ADAMTS9: variants seen among roughly 807,000 people sequenced by gnomAD.
ADAMTS9 encodes the protein A disintegrin and metalloproteinase with thrombospondin motifs 9.
ADAMTS9 carries 107 observed loss-of-function variants against 257.1 expected under a neutral mutation model. That is an observed-to-expected ratio of 0.42 (90% CI 0.36 to 0.49). The LOEUF (loss-of-function observed/expected upper bound fraction) is 0.49, where lower values mean the gene tolerates loss of function less well. ADAMTS9 is among the 20% of genes least tolerant of loss of function. The pLI is 0.03. For synonymous variants in ADAMTS9, 982 were observed against 880.9 expected, an observed-to-expected ratio of 1.11 and a Z score of -2.03; for missense variants, 2,353 against 2,469.1, an observed-to-expected ratio of 0.95 and a Z score of 1.00.
intron 37 of ADAMTS9, 55 bp from the exon 38 acceptor site, chr3:64,533,325 A>C: frequency 1.4e-6 from 2 of 1,404,756 alleles, no homozygotes; most frequent in Non-Finnish European, 2.0e-6. Flanking sequence ...TCCTCAAAAA[A>C]GCAAAGGCAA....
At chr3:64,520,116 G>T (rs2082830754) in intron 39 of ADAMTS9, among the ~76,000 whole-genome samples, 1 of 152,076 alleles carries the variant, frequency 6.6e-6, no homozygotes. Flanking sequence ...CAAAATAAAT[G>T]TACAAAAATC....
chr3:64,649,694 G>A lies in ADAMTS9; in HGVS notation c.1548C>T (p.Asn516=), dbSNP rs373639190. 4.6e-5 allele frequency: 75 copies of A among 1,614,014 alleles called. No homozygotes were observed. In the Middle Eastern group the frequency reaches 5.0e-4, roughly 11 times the overall value. The change falls in exon 10 of 40, where the codon AAC becomes AAT. Residue 516 remains asparagine (N), a synonymous_variant. Transcript: ENST00000498707. ...AAATCAATTCACATTGTTTATTCACGTTGTAAAGGATGCCTGGCAGTTGGA... is the reference window on the plus strand; with the variant it reads ...AAATCAATTCACATTGTTTATTCACATTGTAAAGGATGCCTGGCAGTTGGA... ...LPVQLPGILY[N]VNKQCELIFG...
In ADAMTS9 at chr3:64,604,273, G is replaced by A. The variant is rs1158256439; in HGVS notation, c.3533C>T (p.Thr1178Ile). 9.9e-6 allele frequency: 16 copies of A among 1,613,660 alleles called. No homozygotes were observed. Among genetic ancestry groups the A allele is most frequent in the Non-Finnish European group, 1.3e-5 (15 of 1,179,806 alleles). Reference sequence around the variant, plus strand: ...CCACTGGGTTCTTGGTGCACTGTATGTGCTTCTCCTCGTTTCCGGGGCAGC... The same window carrying A: ...CCACTGGGTTCTTGGTGCACTGTATATGCTTCTCCTCGTTTCCGGGGCAGC... Reference protein sequence around the residue: ...PPAAPETRRSTYSAPRTQWRF... With the variant: ...PPAAPETRRSIYSAPRTQWRF... The change falls in exon 24 of 40, where the codon ACA becomes ATA. Residue 1178 changes from threonine to isoleucine, a missense_variant. Physicochemically the swap from Thr to Ile is moderately conservative, Grantham distance 89. This residue lies in a region of ADAMTS9 where 1,402 missense variants were observed against 1,441.4 expected (regional missense o/e 0.97). Coordinates refer to ENST00000498707, the MANE Select transcript of ADAMTS9 (RefSeq NM_182920.2).
At chr3:64,580,571 T>C (rs570332816) in intron 28 of ADAMTS9, among the ~76,000 whole-genome samples, 1 of 152,288 alleles carries the variant, frequency 6.6e-6, no homozygotes, top group East Asian at 1.9e-4. Flanking sequence ...CATTTTAGGA[T>C]GCTGTAAAAG....
At chr3:64,553,855 C>G (rs527699106) in intron 30 of ADAMTS9, among the ~76,000 whole-genome samples, 2 of 152,008 alleles carry the variant, frequency 1.3e-5, no homozygotes, top group Non-Finnish European at 2.9e-5. Flanking sequence ...TAGCTCATCC[C>G]TAGCTCAGTG....
chr3:64,531,082 G>A (rs888513709), intron 38 of ADAMTS9, among the ~76,000 whole-genome samples: 2 of 152,142 alleles, frequency 1.3e-5, no homozygotes, highest in African/African-American at 4.8e-5. Flanking sequence ...TAATTTACAA[G>A]TAATCAATAT....
intron 30 of ADAMTS9, among the ~76,000 whole-genome samples, chr3:64,560,617 A>T (rs2083403752): frequency 6.6e-6 from 1 of 152,160 alleles, no homozygotes; most frequent in African/African-American, 2.4e-5. Context: ...GCAAAATGGG[A>T]TGATGATAAT....
intron 28 of ADAMTS9, among the ~76,000 whole-genome samples, chr3:64,580,009 G>T (rs1267316498): frequency 6.6e-6 from 1 of 152,128 alleles, no homozygotes; most frequent in Admixed American, 6.6e-5. Context: ...TGCATTCTTA[G>T]CCACTGATCC....
chr3:64,615,328 C>T lies in ADAMTS9; in HGVS notation c.3182G>A (p.Trp1061Ter), dbSNP rs748830271. 1 of 1,613,492 alleles carries T rather than the reference C, an allele frequency of 6.2e-7. No homozygotes were observed. Among genetic ancestry groups the T allele is most frequent in the South Asian group, 1.1e-5 (1 of 90,976 alleles). ...FPCPQWKSGD[W>*]SECLVTCGKG... ...ACAGCCCTCCCATCTTACCTCTGAC[C>T]AGTCTCCAGATTTCCACTGTGGACA... Residue 1061 changes from tryptophan (W) to a stop codon, truncating the protein, a stop_gained, in exon 21 of 40, where the codon TGG becomes TAG. Transcript: ENST00000498707. LOFTEE classifies it high-confidence loss of function.
At position 64,622,511 on chromosome 3, in the gene ADAMTS9, A is replaced by G. The variant is rs757969532; in HGVS notation, c.2465T>C (p.Ile822Thr). Residue 822 changes from isoleucine to threonine, a missense_variant, in exon 17 of 40, where the codon ATT becomes ACT. By Grantham distance (89) the Ile-to-Thr change is moderately conservative (BLOSUM62 -1). Coordinates refer to ENST00000498707, the MANE Select transcript of ADAMTS9 (RefSeq NM_182920.2). ...VVTMAKREIR[I>T]GNAVVEYSGS... is the part of the protein sequence containing the mutation. Reference sequence around the variant, plus strand: ...ACTGTACTCTACCACAGCATTCCCAATGCGAATTTCCCTTTTGGCCATTGT... The same window carrying G: ...ACTGTACTCTACCACAGCATTCCCAGTGCGAATTTCCCTTTTGGCCATTGT... The G allele has an allele frequency of 1.1e-5, 17 of 1,614,132 alleles. No homozygotes were observed. Among genetic ancestry groups the G allele is most frequent in the Admixed American group, 1.7e-5 (1 of 60,026 alleles).
At chr3:64,645,839 G>C (rs1700772609) in intron 11 of ADAMTS9, among the ~76,000 whole-genome samples, 1 of 152,170 alleles carries the variant, frequency 6.6e-6, no homozygotes. Flanking sequence ...CAGGAGCAGG[G>C]TCTGCTGAAA....
chr3:64,520,866 C>G (rs2082843345), intron 39 of ADAMTS9, among the ~76,000 whole-genome samples: 1 of 152,086 alleles, frequency 6.6e-6, no homozygotes, highest in Admixed American at 6.6e-5. Flanking sequence ...CCAGGAAATA[C>G]TCTTCTGAAC....
chr3:64,615,233 G>A (rs939425927), intron 21 of ADAMTS9, 88 bp downstream of exon 21: 1 of 1,441,640 alleles, frequency 6.9e-7, no homozygotes. Context: ...GGAGAAAGGT[G>A]CACAAGGGTT....
chr3:64,619,657 T>G (rs893807931), intron 19 of ADAMTS9, among the ~76,000 whole-genome samples: 1 of 152,096 alleles, frequency 6.6e-6, no homozygotes, highest in Non-Finnish European at 1.5e-5. Context: ...TAAAAGAATA[T>G]TAATAGGATA....
At chr3:64,577,563 G>A (rs116821907) in intron 28 of ADAMTS9, among the ~76,000 whole-genome samples, 1 of 152,320 alleles carries the variant, frequency 6.6e-6, no homozygotes, top group Non-Finnish European at 1.5e-5. Context: ...TGGTGGGAAA[G>A]CTATGACTGG....
At chr3:64,677,475 G>C (rs1469494219) in intron 3 of ADAMTS9, among the ~76,000 whole-genome samples, 1 of 152,194 alleles carries the variant, frequency 6.6e-6, no homozygotes, top group African/African-American at 2.4e-5. Flanking sequence ...AGCACCCTCA[G>C]CCTTGCTACT....
intron 32 of ADAMTS9, 43 bp from the exon 33 acceptor site, chr3:64,542,013 G>T: frequency 6.2e-7 from 1 of 1,612,134 alleles, no homozygotes; most frequent in South Asian, 1.1e-5. Context: ...ATGGAATGTG[G>T]GAGGCATAGG....
At chr3:64,636,234 T>C (rs1054629447) in intron 12 of ADAMTS9, among the ~76,000 whole-genome samples, 4 of 152,172 alleles carry the variant, frequency 2.6e-5, no homozygotes, top group African/African-American at 9.7e-5. Context: ...TTGACCACTA[T>C]AACATGGCAA....
intron 29 of ADAMTS9, among the ~76,000 whole-genome samples, chr3:64,565,178 G>A (rs1486197643): frequency 6.6e-6 from 1 of 152,128 alleles, no homozygotes; most frequent in East Asian, 1.9e-4. Flanking sequence ...ATTTCTCAAA[G>A]AACACAAGCC....
Sources: gnomAD v4.1 joint callset for allele counts (sites outside exome capture counted in the v4.1 genomes callset) on GRCh38, gnomAD v4.1.1 for gene constraint, gnomAD v4.1.1 regional missense constraint, MANE v1.5 for transcripts, NCBI Gene and HGNC (gene_info 2026-07-23, HGNC 2026-07-21) for gene names.